The following ISM1 variants were observed in gnomAD, a reference collection of about 807,000 sequenced individuals.
The protein encoded by ISM1 is isthmin-1.
A neutral mutation model predicts 46.3 loss-of-function variants in ISM1; 25 were observed. The ratio of observed to expected loss-of-function variants is 0.54; its 90% CI spans 0.39 to 0.75. The LOEUF is 0.75. Among genes scored for constraint, ISM1 ranks in the 30% least tolerant of loss-of-function variants. The pLI is 0.00. For synonymous variants in ISM1, 255 were observed against 256.7 expected (o/e 0.99, Z 0.06); for missense variants, 536 against 625.4 (o/e 0.86, Z 1.52).
intron 1 of ISM1, among the ~76,000 whole-genome samples, chr20:13,226,123 C>T (rs1310174298): frequency 6.6e-6 from 1 of 152,152 alleles, no homozygotes; most frequent in African/African-American, 2.4e-5. Flanking sequence ...TTTACAATAA[C>T]ATTAAAGCAA....
chr20:13,266,951 C>T (rs1333645971), intron 1 of ISM1, among the ~76,000 whole-genome samples: 2 of 152,132 alleles, frequency 1.3e-5, no homozygotes, highest in East Asian at 3.8e-4. Flanking sequence ...CAGTAAGTCC[C>T]TTTGAGAAGA....
intron 1 of ISM1, among the ~76,000 whole-genome samples, chr20:13,246,315 A>G (rs901612457): frequency 6.6e-6 from 1 of 151,798 alleles, no homozygotes; most frequent in Non-Finnish European, 1.5e-5. Flanking sequence ...CGAGGTAGAA[A>G]TGGGCCCACT....
At chr20:13,241,266 C>A (rs1221591022) in intron 1 of ISM1, among the ~76,000 whole-genome samples, 1 of 152,032 alleles carries the variant, frequency 6.6e-6, no homozygotes, top group Non-Finnish European at 1.5e-5. Flanking sequence ...GAAATGGAGA[C>A]AGAATATACA....
intron 1 of ISM1, among the ~76,000 whole-genome samples, chr20:13,223,168 A>T (rs1025245096): frequency 2.3e-4 from 29 of 128,204 alleles, no homozygotes; most frequent in African/African-American, 9.8e-4. Context: ...AAAAAAAAAT[A>T]AAATAAAATA....
the ISM1 span, among the ~76,000 whole-genome samples, chr20:13,308,888 T>G: frequency 1.1e-4 from 16 of 152,108 alleles, no homozygotes; most frequent in Non-Finnish European, 7.4e-5. Context: ...TCTCTTGCCC[T>G]CTTTCCACCA....
intron 1 of ISM1, among the ~76,000 whole-genome samples, chr20:13,226,667 G>A (rs2039528821): frequency 6.6e-6 from 1 of 152,154 alleles, no homozygotes; most frequent in South Asian, 2.1e-4. Context: ...GATAGTTGGT[G>A]CTTGCTGTCA....
intron 1 of ISM1, among the ~76,000 whole-genome samples, chr20:13,242,506 A>C (rs1347183535): frequency 6.6e-6 from 1 of 152,062 alleles, no homozygotes; most frequent in Non-Finnish European, 1.5e-5. Context: ...GAAAAGCCCG[A>C]GAAGGTCCAG....
At chr20:13,288,412 A>G in intron 3 of ISM1, 128 bp from the exon 4 acceptor site, 1 of 994,806 alleles carries the variant, frequency 1.0e-6, no homozygotes, top group Non-Finnish European at 1.5e-6. Context: ...CTCCAGCTGA[A>G]AAGTCCTCTC....
At chr20:13,297,088 T>A (rs1025426713) in intron 5 of ISM1, among the ~76,000 whole-genome samples, 13 of 152,146 alleles carry the variant, frequency 8.5e-5, no homozygotes, top group Admixed American at 7.9e-4. Flanking sequence ...ACAAGCAGTT[T>A]TTGAGGCAAA....
At chr20:13,281,854 A>T (rs1038205916) in intron 3 of ISM1, among the ~76,000 whole-genome samples, 3 of 152,208 alleles carry the variant, frequency 2.0e-5, no homozygotes, top group Admixed American at 6.5e-5. Context: ...TAGAGCTCAG[A>T]CACCTGGCAT....
chr20:13,234,165 G>A (rs190608844), intron 1 of ISM1, among the ~76,000 whole-genome samples: 1 of 152,196 alleles, frequency 6.6e-6, no homozygotes, highest in East Asian at 1.9e-4. Context: ...CTCTTTGTAT[G>A]TCCGTGTATG....
intron 1 of ISM1, among the ~76,000 whole-genome samples, chr20:13,261,256 A>G (rs138117558): frequency 3.7e-4 from 57 of 152,236 alleles, no homozygotes; most frequent in Admixed American, 6.5e-4. Context: ...TCTACTAAAA[A>G]TATAAAAAAT....
chr20:13,264,304 C>A (rs1183094147), intron 1 of ISM1, among the ~76,000 whole-genome samples: 1 of 152,198 alleles, frequency 6.6e-6, no homozygotes, highest in African/African-American at 2.4e-5. Flanking sequence ...TAGACAGCCA[C>A]AATTTGTTAC....
At chr20:13,251,038 T>G (rs2039863110) in intron 1 of ISM1, among the ~76,000 whole-genome samples, 1 of 152,238 alleles carries the variant, frequency 6.6e-6, no homozygotes, top group Non-Finnish European at 1.5e-5. Context: ...TTGCTTTGTA[T>G]TTTCCATAAG....
intron 1 of ISM1, among the ~76,000 whole-genome samples, chr20:13,264,905 T>C (rs1455738669): frequency 6.6e-6 from 1 of 152,148 alleles, no homozygotes; most frequent in Non-Finnish European, 1.5e-5. Context: ...AGGGATGAGA[T>C]CCCAGCACCA....
intron 1 of ISM1, among the ~76,000 whole-genome samples, chr20:13,252,479 A>G (rs574167143): frequency 5.9e-5 from 9 of 152,284 alleles, no homozygotes; most frequent in South Asian, 2.1e-4. Context: ...GGCTGGGCAC[A>G]GTGGCTCACA....
intron 1 of ISM1, among the ~76,000 whole-genome samples, chr20:13,237,588 T>C (rs768710858): frequency 2.0e-5 from 3 of 152,190 alleles, no homozygotes; most frequent in Non-Finnish European, 4.4e-5. Context: ...GGAGGGCAGC[T>C]AGGGTGCTGG....
At chr20:13,285,301 A>T (rs2040279703) in intron 3 of ISM1, among the ~76,000 whole-genome samples, 1 of 146,008 alleles carries the variant, frequency 6.8e-6, no homozygotes, top group South Asian at 2.1e-4. Context: ...AGCTTAAAAA[A>T]TAAAAAAGAA....
the ISM1 span, among the ~76,000 whole-genome samples, chr20:13,309,983 A>G: frequency 6.6e-6 from 1 of 152,200 alleles, no homozygotes; most frequent in Non-Finnish European, 1.5e-5. Flanking sequence ...TACGGATTGG[A>G]AGAATTTATA....
Sources: allele counts gnomAD v4.1 joint callset (sites outside exome capture counted in the v4.1 genomes callset), GRCh38; gene constraint gnomAD v4.1.1; transcripts MANE v1.5; gene names NCBI Gene and HGNC (gene_info 2026-07-23, HGNC 2026-07-21).